Variants in GNG2 observed in about 807,000 individuals in gnomAD.
GNG2 encodes guanine nucleotide-binding protein G(I)/G(S)/G(O) subunit gamma-2.
Under a neutral mutation model 5.5 loss-of-function variants are expected in GNG2, and 5 were observed. That is an observed-to-expected ratio of 0.91 (90% CI 0.48 to 1.92). The LOEUF (loss-of-function observed/expected upper bound fraction) is 1.92. Among genes scored for constraint, GNG2 ranks in the 30% most tolerant of loss-of-function variants. The probability of loss-of-function intolerance (pLI) is 0.01; values close to 1 mark genes in which losing one functional copy is unlikely to be tolerated. For synonymous variants in GNG2, 28 were observed against 32.0 expected, an observed-to-expected ratio of 0.88 and a Z score of 0.42; for missense variants, 55 against 88.4, an observed-to-expected ratio of 0.62 and a Z score of 1.52.
intron 2 of GNG2, among the ~76,000 whole-genome samples, chr14:51,924,383 A>C (rs1213789922): frequency 1.3e-5 from 2 of 152,234 alleles, no homozygotes; most frequent in Non-Finnish European, 2.9e-5. Context: ...CATCAGGCTT[A>C]TTCATTTGAG....
intron 2 of GNG2, among the ~76,000 whole-genome samples, chr14:51,947,433 G>A (rs777140511): frequency 1.6e-4 from 25 of 152,182 alleles, no homozygotes; most frequent in Non-Finnish European, 3.2e-4. Flanking sequence ...AGAGGAAGAT[G>A]TGACTTCAGA....
At chr14:51,886,528 T>C (rs566010440) in intron 2 of GNG2, among the ~76,000 whole-genome samples, 1 of 152,302 alleles carries the variant, frequency 6.6e-6, no homozygotes, top group African/African-American at 2.4e-5. Flanking sequence ...ACTGGTTAAT[T>C]TCAAGAGTAC....
At chr14:51,875,693 CAT>C (rs1236783005) in intron 1 of GNG2, among the ~76,000 whole-genome samples, 1 of 150,076 alleles carries the variant, frequency 6.7e-6, no homozygotes, top group South Asian at 2.1e-4. Context: ...TATATTAAGA[CAT>C]AGAAAATATA....
At chr14:51,950,015 C>T (rs927297699) in intron 2 of GNG2, among the ~76,000 whole-genome samples, 1 of 152,150 alleles carries the variant, frequency 6.6e-6, no homozygotes, top group African/African-American at 2.4e-5. Flanking sequence ...GCTGGGATTA[C>T]AGATGTGGGC....
intron 2 of GNG2, among the ~76,000 whole-genome samples, chr14:51,930,968 C>T (rs1434949688): frequency 1.3e-5 from 2 of 152,142 alleles, no homozygotes; most frequent in African/African-American, 4.8e-5. Context: ...TGGTGGCATG[C>T]GCCTATAGTC....
At chr14:51,933,324 T>C (rs2140248794) in intron 2 of GNG2, among the ~76,000 whole-genome samples, 1 of 152,254 alleles carries the variant, frequency 6.6e-6, no homozygotes, top group African/African-American at 2.4e-5. Flanking sequence ...ACAAATGTCG[T>C]TGCAGGAAAG....
intron 1 of GNG2, among the ~76,000 whole-genome samples, chr14:51,872,190 A>C (rs1323801832): frequency 2.0e-5 from 3 of 152,236 alleles, no homozygotes; most frequent in Non-Finnish European, 4.4e-5. Flanking sequence ...TTGTTGCCAC[A>C]GTATAACCTA....
At chr14:51,837,947 T>C (rs55817369) in intron 2 of GNG2, among the ~76,000 whole-genome samples, 3,729 of 152,206 alleles carry the variant, frequency 0.024, 147 homozygotes, top group African/African-American at 0.085. Context: ...ACTTTTATAC[T>C]GAGAGTTGTA....
chr14:51,849,617 CT>C (rs1881814568), intron 2 of GNG2, among the ~76,000 whole-genome samples: 1 of 152,134 alleles, frequency 6.6e-6, no homozygotes, highest in Non-Finnish European at 1.5e-5. Context: ...TATTTTTCTT[CT>C]CAAAATTTAA....
At chr14:51,918,093 A>G (rs1361723906) in intron 2 of GNG2, among the ~76,000 whole-genome samples, 1 of 152,128 alleles carries the variant, frequency 6.6e-6, no homozygotes, top group East Asian at 1.9e-4. Flanking sequence ...AAAAGTGAAG[A>G]CAAAAGCTAC....
At chr14:51,867,859 G>A (rs1419158931) in intron 1 of GNG2, among the ~76,000 whole-genome samples, 1 of 151,944 alleles carries the variant, frequency 6.6e-6, no homozygotes, top group African/African-American at 2.4e-5. Flanking sequence ...TTTCATCACA[G>A]CATCTAGCTC....
chr14:51,929,124 T>A (rs1887511665), intron 2 of GNG2, among the ~76,000 whole-genome samples: 1 of 152,200 alleles, frequency 6.6e-6, no homozygotes, highest in Non-Finnish European at 1.5e-5. Context: ...TTGAAGTGAC[T>A]CTCTAATGGT....
rs142051968 is a variant in GNG2 at position 51,945,898 on chromosome 14, GTTGT to G, written c.-29-4733_-29-4730del. Among the ~76,000 whole-genome samples the G allele has an allele frequency of 2.1e-4, 32 of 151,428 alleles. 1 individual carries two copies. Among genetic ancestry groups the G allele is most frequent in the Middle Eastern group, 3.4e-3 (1 of 292 alleles). On this transcript the variant is annotated intron_variant, in intron 2 of 3. Transcript: ENST00000556766. ...TTTTCTCCTCTTCCTCTCACGTTGC[GTTGT>G]TTGTTTGTTTGTTTGTTTAAGATTC... is the stretch of plus-strand genomic sequence containing the variant.
At chr14:51,965,131 A>G (rs1401392332) in intron 3 of GNG2, among the ~76,000 whole-genome samples, 8 of 152,214 alleles carry the variant, frequency 5.3e-5, no homozygotes, top group Non-Finnish European at 1.2e-4. Context: ...CTCTCTGGCC[A>G]GAGCAAGCTT....
intron 3 of GNG2, among the ~76,000 whole-genome samples, chr14:51,966,306 C>T (rs765864486): frequency 6.6e-5 from 10 of 151,886 alleles, no homozygotes; most frequent in Admixed American, 3.3e-4. Context: ...CCCCTGCCAG[C>T]GAGTGCCTCC....
chr14:51,926,908 C>T (rs1409553699), intron 2 of GNG2, among the ~76,000 whole-genome samples: 1 of 152,102 alleles, frequency 6.6e-6, no homozygotes, highest in African/African-American at 2.4e-5. Context: ...TTTGTCTTTC[C>T]TCGCCATTAG....
At chr14:51,926,725 C>A (rs1052662471) in intron 2 of GNG2, among the ~76,000 whole-genome samples, 9 of 152,158 alleles carry the variant, frequency 5.9e-5, no homozygotes, top group African/African-American at 2.2e-4. Context: ...AGAATGGAAG[C>A]GTCTTAGCAG....
upstream of GNG2, among the ~76,000 whole-genome samples, chr14:51,859,502 T>C (rs1371588278): frequency 6.6e-6 from 1 of 152,010 alleles, no homozygotes; most frequent in African/African-American, 2.4e-5. Context: ...ATAATAAGAG[T>C]TAATATGTGC....
Position 51,917,478 on chromosome 14 carries a change from TAGTGCAG to T in GNG2, c.-29-33168_-29-33162del, listed in dbSNP as rs1410591333. The T allele has an allele frequency of 6.7e-6, 3 of 448,168 alleles. No homozygotes were observed. The Admixed American group carries it at 7.5e-5, about 11-fold the overall frequency. The allele number at this position is 448,168 out of a possible 1,614,324, so 27.8% of individuals were successfully genotyped here. Reference sequence around the variant, plus strand: ...CAGGGAGTGAGTTGGAACCTTAGCCTAGTGCAGAGTTTATTAAAACCATGTCTTTTTT... The same window carrying T: ...CAGGGAGTGAGTTGGAACCTTAGCCTAGTTTATTAAAACCATGTCTTTTTT... On this transcript the variant is annotated intron_variant, in intron 2 of 3. Transcript: ENST00000556766.
Sources: gnomAD v4.1 joint callset for allele counts (sites outside exome capture counted in the v4.1 genomes callset) on GRCh38, gnomAD v4.1.1 for gene constraint, MANE v1.5 for transcripts, NCBI Gene and HGNC (gene_info 2026-07-23, HGNC 2026-07-21) for gene names.